NFRKB: variants seen among roughly 807,000 people sequenced by gnomAD.
NFRKB encodes nuclear factor related to kappa-B-binding protein.
NFRKB carries 62 observed loss-of-function variants against 135.7 expected under a neutral mutation model. The observed-to-expected ratio is 0.46, with a 90% CI of 0.37 to 0.56. NFRKB has a LOEUF of 0.56. Among genes scored for constraint, NFRKB ranks in the 20% least tolerant of loss-of-function variants. The pLI, the probability that NFRKB is intolerant of heterozygous loss-of-function variation, is 0.00. For missense variants in NFRKB, 1,545 were observed against 1,662.0 expected (o/e 0.93, Z 1.22); for synonymous variants, 678 against 635.6 (o/e 1.07, Z -1.00).
At chr11:129,877,177 C>T (rs1306363345) in intron 16 of NFRKB, 148 bp downstream of exon 16, 11 of 866,544 alleles carry the variant, frequency 1.3e-5, no homozygotes, top group Non-Finnish European at 1.3e-5. Context: ...ACCGTTTCCA[C>T]CCCCAACAAG....
chr11:129,888,858 G>A (rs912140154), intron 3 of NFRKB, 63 bp from the exon 4 acceptor site: 87 of 1,214,324 alleles, frequency 7.2e-5, no homozygotes, highest in Middle Eastern at 4.4e-4. Context: ...GTATGTATGC[G>A]TATACAAAAC....
At chr11:129,878,198 G>A in intron 15 of NFRKB, 111 bp downstream of exon 15, 1 of 1,145,934 alleles carries the variant, frequency 8.7e-7, no homozygotes, top group Non-Finnish European at 1.3e-6. Context: ...ACTCCTCAGA[G>A]CTCTGAAGCC....
intron 2 of NFRKB, chr11:129,893,315 G>A: frequency 2.2e-6 from 1 of 452,118 alleles, no homozygotes; most frequent in South Asian, 1.6e-5. Flanking sequence ...TACTTTGGGA[G>A]GTCCAGGCGG....
intron 22 of NFRKB, among the ~76,000 whole-genome samples, 182 bp from the exon 23 acceptor site, chr11:129,873,278 A>G (rs1021791746): frequency 6.6e-6 from 1 of 152,162 alleles, no homozygotes; most frequent in Non-Finnish European, 1.5e-5. Context: ...GTATATCTTA[A>G]TTTTCAGAAT....
chr11:129,876,907 C>T lies in NFRKB; in HGVS notation c.1573-12G>A, dbSNP rs1197911408. On this transcript the variant is annotated splice_polypyrimidine_tract_variant and intron_variant, in intron 16 of 26. Transcript: ENST00000682444. Reference sequence around the variant, plus strand: ...TACCTGTAACGCTCCTACCAAGAGACAAGGGACAAGAGTTCTAGGTCAGAA... The same window carrying T: ...TACCTGTAACGCTCCTACCAAGAGATAAGGGACAAGAGTTCTAGGTCAGAA... The T allele has an allele frequency of 1.2e-6, 2 of 1,611,556 alleles. No individual in the cohort carries two copies. The highest frequency in any genetic ancestry group is 1.7e-6 in the Non-Finnish European group (2 of 1,178,692).
Position 129,863,733 on chromosome 11 carries a change from G to C in NFRKB, c.*992C>G, listed in dbSNP as rs1305136300. Reference sequence around the variant, plus strand: ...ATGTCAACTACTCAATTCTGCCTTCGAATCTGAAAGCAGCCACAGATAATA... The same window carrying C: ...ATGTCAACTACTCAATTCTGCCTTCCAATCTGAAAGCAGCCACAGATAATA... On this transcript the variant is annotated 3_prime_UTR_variant, in exon 27 of 27. Coordinates refer to ENST00000682444, the MANE Select transcript of NFRKB (RefSeq NM_001143835.2). 6.6e-6 allele frequency: 1 copy of C among 152,304 alleles called. No individual in the cohort carries two copies. Among genetic ancestry groups the C allele is most frequent in the African/African-American group, 2.4e-5 (1 of 41,444 alleles). 9.4% of individuals were successfully genotyped at this position (152,304 alleles called of 1,614,324 possible).
rs931863769 is a variant in NFRKB at position 129,876,571 on chromosome 11, C to T, written c.1747+150G>A. ...TGGGAGCTGAAGATGTCCCCTTCAG[C>T]TCCCAAACTGCAATGCTTTGAAAAA... On this transcript the variant is annotated intron_variant, in intron 17 of 26. Coordinates refer to ENST00000682444, the MANE Select transcript of NFRKB (RefSeq NM_001143835.2). The T allele has an allele frequency of 4.0e-6, 3 of 757,000 alleles. No individual in the cohort carries two copies. The African/African-American group carries it at 5.3e-5, about 13-fold the overall frequency. The allele number at this position is 757,000 out of a possible 1,614,324, so 46.9% of individuals were successfully genotyped here. A position where few individuals can be genotyped will look rare whatever the true frequency, so the allele number is the denominator to read the frequency against.
Position 129,872,704 on chromosome 11 carries a change from TATC to T in NFRKB, c.2763+177_2763+179del, listed in dbSNP as rs1948572229. ...AAACAGAAGAAATCTCTTCAGCATC[TATC>T]AAAGCTGCACTGCCTTTGCCTTTGG... On this transcript the variant is annotated intron_variant, in intron 23 of 26. Coordinates refer to ENST00000682444, the MANE Select transcript of NFRKB (RefSeq NM_001143835.2). 3 of 579,088 alleles carry T rather than the reference TATC, an allele frequency of 5.2e-6. No individual in the cohort carries two copies. The South Asian group carries it at 7.0e-5, about 14-fold the overall frequency. The allele number at this position is 579,088 out of a possible 1,614,324, so 35.9% of individuals were successfully genotyped here.
At chr11:129,887,461 C>A (rs1309423279) in intron 4 of NFRKB, among the ~76,000 whole-genome samples, 1 of 152,194 alleles carries the variant, frequency 6.6e-6, no homozygotes, top group Admixed American at 6.5e-5. Context: ...TGAGGTGACA[C>A]AATGGGAAAG....
At chr11:129,884,227 T>G in intron 7 of NFRKB, 84 bp from the exon 8 acceptor site, 1 of 1,415,864 alleles carries the variant, frequency 7.1e-7, no homozygotes, top group Non-Finnish European at 1.0e-6. Flanking sequence ...AAGATATTTC[T>G]GAGTTTCCCT....
At chr11:129,881,955 C>T in intron 11 of NFRKB, 102 bp from the exon 12 acceptor site, 3 of 1,505,444 alleles carry the variant, frequency 2.0e-6, no homozygotes, top group Middle Eastern at 3.6e-4. Flanking sequence ...CGGTGTTTGT[C>T]CGAATCACAA....
At position 129,881,521 on chromosome 11, in the gene NFRKB, G is replaced by T; in HGVS notation, c.1319-13C>A. Reference sequence around the variant, plus strand: ...CTGGAAGGAACAGCTGCAAGAAATGGACCACATAAACAAACCATACAGGTG... The same window carrying T: ...CTGGAAGGAACAGCTGCAAGAAATGTACCACATAAACAAACCATACAGGTG... On this transcript the variant is annotated splice_polypyrimidine_tract_variant and intron_variant, in intron 12 of 26. Coordinates refer to ENST00000682444, the MANE Select transcript of NFRKB (RefSeq NM_001143835.2). 1.2e-6 allele frequency: 2 copies of T among 1,613,954 alleles called. No homozygotes were observed. The highest frequency in any genetic ancestry group is 2.2e-5 in the South Asian group (2 of 91,012).
chr11:129,888,915 T>A, intron 3 of NFRKB, 120 bp from the exon 4 acceptor site: 1 of 698,038 alleles, frequency 1.4e-6, no homozygotes, highest in Non-Finnish European at 2.4e-6. Context: ...TTTTTAAGTG[T>A]AGACTTCAGT....
chr11:129,875,183 C>T (rs1430172793), intron 18 of NFRKB, among the ~76,000 whole-genome samples, 174 bp downstream of exon 18: 2 of 152,270 alleles, frequency 1.3e-5, no homozygotes, highest in African/African-American at 4.8e-5. Context: ...AAAAGAAAGC[C>T]TAGAGCAAAA....
At position 129,886,372 on chromosome 11, in the gene NFRKB, T is replaced by G. The variant is rs764085859; in HGVS notation, c.410A>C (p.Asn137Thr). The G allele has an allele frequency of 1.2e-6, 2 of 1,613,910 alleles. No homozygotes were observed. The highest frequency in any genetic ancestry group is 1.7e-6 in the Non-Finnish European group (2 of 1,179,982). ...CCGATGGAAATACTGCTGCTGGGAG[T>G]TGAGGTAGCGCTTGTACTGTGACTT... ...CFKSQYKRYL[N>T]SQQQYFHRLL... is the part of the protein sequence containing the mutation. The change falls in exon 5 of 27, where the codon AAC (asparagine) becomes ACC (threonine). Residue 137 changes from asparagine (N) to threonine (T), a missense_variant. Transcript: ENST00000682444.
chr11:129,867,273 T>C (rs181522255), intron 24 of NFRKB, among the ~76,000 whole-genome samples: 1 of 152,164 alleles, frequency 6.6e-6, no homozygotes, highest in Admixed American at 6.5e-5. Flanking sequence ...GTGAGTGCAG[T>C]TTCCCGCTTC....
At chr11:129,883,856 G>A (rs1783911) in intron 8 of NFRKB, among the ~76,000 whole-genome samples, 26,956 of 152,124 alleles carry the variant, frequency 0.18, 2,646 homozygotes, top group African/African-American at 0.27. Context: ...TCACTGTAAC[G>A]ATTAAGGCAG....
At chr11:129,881,918 G>A (rs1438145905) in intron 11 of NFRKB, 65 bp from the exon 12 acceptor site, 2 of 1,542,864 alleles carry the variant, frequency 1.3e-6, no homozygotes, top group African/African-American at 2.8e-5. Flanking sequence ...CCACACAAGT[G>A]CCACCACAAC....
chr11:129,865,313 G>A (rs1948139323), intron 25 of NFRKB, among the ~76,000 whole-genome samples: 1 of 152,200 alleles, frequency 6.6e-6, no homozygotes, highest in Non-Finnish European at 1.5e-5. Flanking sequence ...GAAGACCCCA[G>A]TGCTCTGGAT....
Sources: allele counts gnomAD v4.1 joint callset (sites outside exome capture counted in the v4.1 genomes callset), GRCh38; gene constraint gnomAD v4.1.1; transcripts MANE v1.5; gene names NCBI Gene and HGNC (gene_info 2026-07-23, HGNC 2026-07-21).